Variants in RIT2 observed in about 807,000 individuals in gnomAD.
The protein encoded by RIT2 is GTP-binding protein Rit2.
Under a neutral mutation model 23.7 loss-of-function variants are expected in RIT2, and 24 were observed. The ratio of observed to expected loss-of-function variants is 1.01; its 90% CI spans 0.73 to 1.43. The LOEUF is 1.43. Ranked by LOEUF, RIT2 falls within the 40% of genes most tolerant of loss-of-function variation. The pLI is 0.00. For synonymous variants in RIT2, 107 were observed against 91.1 expected (o/e 1.17, Z -0.99); for missense variants, 236 against 266.9 (o/e 0.88, Z 0.81).
intron 4 of RIT2, among the ~76,000 whole-genome samples, chr18:42,900,888 A>C (rs1908458758): frequency 6.6e-6 from 1 of 152,110 alleles, no homozygotes; most frequent in South Asian, 2.1e-4. Context: ...CAAAGTGTGA[A>C]ACACAGAACT....
In RIT2 at chr18:42,816,310, C is replaced by A. The variant is rs545993403; in HGVS notation, c.427-72590G>T. 1.9e-3 allele frequency among the ~76,000 whole-genome samples: 289 copies of A among 152,256 alleles called. 2 individuals carry two copies. In the South Asian group the frequency reaches 0.022, roughly 12 times the overall value. ...TAGCAGAAGCCAGTGGGAGCCAACT[C>A]TAACACACCATGGAATCAGGGGCAC... On this transcript the variant is annotated intron_variant, in intron 4 of 4. Coordinates refer to ENST00000326695, the MANE Select transcript of RIT2 (RefSeq NM_002930.4).
intron 4 of RIT2, among the ~76,000 whole-genome samples, chr18:42,830,656 C>T (rs773029279): frequency 6.6e-5 from 10 of 152,088 alleles, no homozygotes; most frequent in Non-Finnish European, 1.5e-4. Flanking sequence ...AACAGGGCTG[C>T]CAAATGAGAC....
At chr18:42,792,600 A>C (rs867268123) in intron 4 of RIT2, among the ~76,000 whole-genome samples, 1 of 152,340 alleles carries the variant, frequency 6.6e-6, no homozygotes, top group Middle Eastern at 3.4e-3. Flanking sequence ...AATTCAATGA[A>C]TTAGGGCAGG....
chr18:42,750,116 C>A (rs1288527117), intron 4 of RIT2, among the ~76,000 whole-genome samples: 1 of 151,852 alleles, frequency 6.6e-6, no homozygotes, highest in African/African-American at 2.4e-5. Flanking sequence ...ACCTAAGGAA[C>A]ATTGTTAGTA....
chr18:43,042,948 T>C (rs2144296403), intron 1 of RIT2, among the ~76,000 whole-genome samples: 1 of 152,262 alleles, frequency 6.6e-6, no homozygotes, highest in South Asian at 2.1e-4. Context: ...TCAACAAGAA[T>C]AAGAACCATG....
At chr18:42,908,385 A>G (rs1273618324) in intron 4 of RIT2, among the ~76,000 whole-genome samples, 2 of 152,160 alleles carry the variant, frequency 1.3e-5, no homozygotes, top group Non-Finnish European at 2.9e-5. Flanking sequence ...GTATTCAAAT[A>G]AATACTGGCT....
intron 4 of RIT2, among the ~76,000 whole-genome samples, chr18:42,807,849 A>G (rs984001212): frequency 6.6e-6 from 1 of 151,464 alleles, no homozygotes; most frequent in Non-Finnish European, 1.5e-5. Context: ...AATAAATTAG[A>G]TGTGAGTTTC....
intron 1 of RIT2, among the ~76,000 whole-genome samples, chr18:43,107,543 C>G (rs761028511): frequency 6.6e-6 from 1 of 152,136 alleles, no homozygotes; most frequent in Non-Finnish European, 1.5e-5. Context: ...TTTCAAAAAT[C>G]GGTATGGTTT....
intron 2 of RIT2, among the ~76,000 whole-genome samples, chr18:42,974,886 G>A (rs1910444137): frequency 6.6e-6 from 1 of 152,070 alleles, no homozygotes; most frequent in South Asian, 2.1e-4. Flanking sequence ...AAATGTTGCT[G>A]AGAGAAATTA....
At chr18:42,990,505 T>TTTG (rs1481525123) in intron 2 of RIT2, among the ~76,000 whole-genome samples, 1 of 152,202 alleles carries the variant, frequency 6.6e-6, no homozygotes, top group East Asian at 1.9e-4. Flanking sequence ...CAGAAACCGT[T>TTTG]ACACTCCCTA....
chr18:43,021,373 G>A (rs1911594051), intron 2 of RIT2, among the ~76,000 whole-genome samples: 1 of 151,914 alleles, frequency 6.6e-6, no homozygotes, highest in Non-Finnish European at 1.5e-5. Context: ...ATCAAGTAGT[G>A]AAAAAATAAC....
intron 1 of RIT2, among the ~76,000 whole-genome samples, chr18:43,037,483 A>G (rs1459726142): frequency 1.3e-5 from 2 of 152,134 alleles, no homozygotes; most frequent in East Asian, 1.9e-4. Context: ...GGTTCTTGGT[A>G]TATTACAGTG....
chr18:43,075,953 G>A (rs1163515655), intron 1 of RIT2, among the ~76,000 whole-genome samples: 1 of 152,224 alleles, frequency 6.6e-6, no homozygotes, highest in Middle Eastern at 3.4e-3. Flanking sequence ...GCGAGATCCT[G>A]CAATACTAAG....
At chr18:43,004,536 G>A (rs185303699) in intron 2 of RIT2, among the ~76,000 whole-genome samples, 19 of 151,956 alleles carry the variant, frequency 1.3e-4, no homozygotes, top group Admixed American at 1.1e-3. Flanking sequence ...TAAATCTACT[G>A]GGAGGCCTCA....
rs149449392 is a variant in RIT2, at chr18:42,905,164, A to G, written c.426+18408T>C. Among the ~76,000 whole-genome samples the G allele has an allele frequency of 4.2e-3, 637 of 152,316 alleles. 2 individuals carry two copies. Among genetic ancestry groups the G allele is most frequent in the Non-Finnish European group, 7.1e-3 (482 of 68,014 alleles). ...AACATTCATAATGGGATTGCTGGTAATGCAAAGAACTAGGGGGAAAGTTTA... is the reference window on the plus strand; with the variant it reads ...AACATTCATAATGGGATTGCTGGTAGTGCAAAGAACTAGGGGGAAAGTTTA... On this transcript the variant is annotated intron_variant, in intron 4 of 4. Coordinates refer to ENST00000326695, the MANE Select transcript of RIT2 (RefSeq NM_002930.4).
chr18:42,936,920 G>A (rs1414663790), intron 3 of RIT2, among the ~76,000 whole-genome samples: 1 of 151,954 alleles, frequency 6.6e-6, no homozygotes, highest in Non-Finnish European at 1.5e-5. Context: ...ACTGAGGCAG[G>A]GGAATCGCTT....
At chr18:42,951,247 A>G (rs1216566567) in intron 3 of RIT2, among the ~76,000 whole-genome samples, 1 of 152,142 alleles carries the variant, frequency 6.6e-6, no homozygotes, top group Non-Finnish European at 1.5e-5. Flanking sequence ...TTATGCAGAC[A>G]TAAAAATAAA....
At chr18:42,978,875 C>T (rs78942543) in intron 2 of RIT2, among the ~76,000 whole-genome samples, 2 of 151,830 alleles carry the variant, frequency 1.3e-5, no homozygotes, top group African/African-American at 2.4e-5. Flanking sequence ...TGTAAGATGG[C>T]GATAATAGTA....
chr18:42,868,147 C>T (rs1162289654), intron 4 of RIT2, among the ~76,000 whole-genome samples: 1 of 152,154 alleles, frequency 6.6e-6, no homozygotes, highest in Non-Finnish European at 1.5e-5. Context: ...TTTTTCCACA[C>T]ATGCATATTT....
Sources: allele counts gnomAD v4.1 joint callset (sites outside exome capture counted in the v4.1 genomes callset), GRCh38; gene constraint gnomAD v4.1.1; transcripts MANE v1.5; gene names NCBI Gene and HGNC (gene_info 2026-07-23, HGNC 2026-07-21).